The following PDE4D variants were observed in gnomAD, a reference collection of about 807,000 sequenced individuals.
PDE4D encodes the protein phosphodiesterase 4D.
PDE4D carries 24 observed loss-of-function variants against 87.4 expected under a neutral mutation model. The observed-to-expected ratio is 0.27, with a 90% CI of 0.20 to 0.39. The LOEUF (loss-of-function observed/expected upper bound fraction) is 0.39. Ranked by LOEUF, PDE4D falls within the 10% of genes least tolerant of loss-of-function variation. PDE4D has a pLI of 1.00. For missense variants in PDE4D, 714 were observed against 1,041.0 expected (o/e 0.69, Z 4.32); for synonymous variants, 384 against 383.2 (o/e 1.00, Z -0.02).
chr5:59,020,292 T>C (rs968601374), intron 6 of PDE4D, among the ~76,000 whole-genome samples: 7 of 151,956 alleles, frequency 4.6e-5, no homozygotes, highest in African/African-American at 7.2e-5. Flanking sequence ...CTGGCCAACA[T>C]GGTGAAACCC....
intron 1 of PDE4D, among the ~76,000 whole-genome samples, chr5:59,229,200 G>A (rs551754567): frequency 1.3e-5 from 2 of 152,190 alleles, no homozygotes; most frequent in South Asian, 2.1e-4. Context: ...GTACAACAGT[G>A]CCTCACACGT....
chr5:59,767,808 T>A (rs951128418), intron 1 of PDE4D, among the ~76,000 whole-genome samples: 2 of 152,180 alleles, frequency 1.3e-5, no homozygotes, highest in Non-Finnish European at 2.9e-5. Context: ...TGTATGTGTC[T>A]CTGTCCAAGT....
intron 5 of PDE4D, among the ~76,000 whole-genome samples, chr5:59,144,244 G>A (rs1165004052): frequency 6.6e-6 from 1 of 152,158 alleles, no homozygotes; most frequent in Non-Finnish European, 1.5e-5. Flanking sequence ...TCTGACCTCT[G>A]ACCAACCATG....
rs926386468 is a variant in PDE4D at position 60,450,515 on chromosome 5, A to G, written c.-90+37427T>C. 8.5e-5 allele frequency among the ~76,000 whole-genome samples: 13 copies of G among 152,300 alleles called. No homozygotes were observed. The East Asian group carries it at 2.5e-3, about 29-fold the overall frequency. ...AGGGCTGAGTGAGCCATTTAAAACC[A>G]TAATTTTAATATGCAGCATTTCTTT... On this transcript the variant is annotated intron_variant, in intron 1 of 16. Transcript: ENST00000502484.
chr5:59,363,660 T>C (rs189194731), intron 1 of PDE4D, among the ~76,000 whole-genome samples: 1 of 152,194 alleles, frequency 6.6e-6, no homozygotes, highest in Non-Finnish European at 1.5e-5. Context: ...CTGAGACTCA[T>C]AGAGGTTAAG....
At chr5:60,019,401 G>A (rs549966478) in intron 2 of PDE4D, among the ~76,000 whole-genome samples, 1 of 152,296 alleles carries the variant, frequency 6.6e-6, no homozygotes, top group South Asian at 2.1e-4. Flanking sequence ...TTGAAGCTAG[G>A]CACTGACTTC....
At chr5:59,569,397 A>T (rs1010524534) in intron 1 of PDE4D, among the ~76,000 whole-genome samples, 1 of 152,244 alleles carries the variant, frequency 6.6e-6, no homozygotes, top group Non-Finnish European at 1.5e-5. Context: ...GGGATTAAGA[A>T]TACCTTTGTC....
At chr5:60,430,265 T>C (rs1043202354) in intron 1 of PDE4D, 2 of 501,872 alleles carry the variant, frequency 4.0e-6, no homozygotes, top group Non-Finnish European at 8.0e-6. Flanking sequence ...CACCCTTCTT[T>C]GCAGGAGCCA....
At chr5:59,789,676 T>G (rs1020411628) in intron 1 of PDE4D, among the ~76,000 whole-genome samples, 2 of 152,336 alleles carry the variant, frequency 1.3e-5, no homozygotes, top group Admixed American at 1.3e-4. Flanking sequence ...TAATCTAAGA[T>G]AAAATAGAAA....
intron 1 of PDE4D, among the ~76,000 whole-genome samples, chr5:59,249,388 A>G (rs1030605097): frequency 6.6e-6 from 1 of 152,122 alleles, no homozygotes; most frequent in African/African-American, 2.4e-5. Flanking sequence ...TAACCTTTAG[A>G]GAAGTATTTT....
At chr5:60,316,415 A>G (rs150993124) in intron 1 of PDE4D, among the ~76,000 whole-genome samples, 2,764 of 152,312 alleles carry the variant, frequency 0.018, 96 homozygotes, top group African/African-American at 0.063. Flanking sequence ...TAGATATACA[A>G]TCATGTCATC....
chr5:60,314,631 C>T lies in PDE4D; in HGVS notation c.-89-128944G>A, dbSNP rs185652211. On this transcript the variant is annotated intron_variant, in intron 1 of 16. Coordinates refer to the PDE4D transcript ENST00000502484. ...AGGTATATCTCCTAATGCTATCCCT[C>T]CCCCACACCCCCACCCCACAACAGG... 9.1e-3 allele frequency among the ~76,000 whole-genome samples: 1,384 copies of T among 151,766 alleles called. 8 individuals are homozygous for T. The highest frequency in any genetic ancestry group is 0.024 in the Middle Eastern group (7 of 294).
chr5:59,711,147 G>A (rs1443987360), intron 1 of PDE4D, among the ~76,000 whole-genome samples: 1 of 152,054 alleles, frequency 6.6e-6, no homozygotes, highest in Non-Finnish European at 1.5e-5. Context: ...ATCTCACATT[G>A]TTTCTTATTC....
At chr5:60,235,886 G>C (rs1339891704) in intron 1 of PDE4D, among the ~76,000 whole-genome samples, 2 of 151,770 alleles carry the variant, frequency 1.3e-5, no homozygotes, top group African/African-American at 2.4e-5. Flanking sequence ...GACTTTAATA[G>C]TTTATTGTAT....
intron 1 of PDE4D, among the ~76,000 whole-genome samples, chr5:59,380,278 C>G (rs994359540): frequency 2.0e-4 from 29 of 147,998 alleles, no homozygotes; most frequent in African/African-American, 7.0e-4. Flanking sequence ...GGACTCACCA[C>G]ATGAAAATTA....
At chr5:60,023,280 C>T (rs879875789) in intron 2 of PDE4D, among the ~76,000 whole-genome samples, 2 of 152,176 alleles carry the variant, frequency 1.3e-5, no homozygotes, top group Non-Finnish European at 2.9e-5. Flanking sequence ...AATTCTTTCT[C>T]TACCTCAACT....
chr5:59,370,153 G>A (rs182202673), intron 1 of PDE4D, among the ~76,000 whole-genome samples: 4 of 152,228 alleles, frequency 2.6e-5, no homozygotes, highest in East Asian at 1.9e-4. Context: ...TTGCAGTGGC[G>A]TCATAACCAT....
intron 1 of PDE4D, among the ~76,000 whole-genome samples, chr5:60,277,304 T>C (rs964855826): frequency 1.3e-5 from 2 of 152,036 alleles, no homozygotes; most frequent in African/African-American, 4.8e-5. Context: ...TTTAAAAATA[T>C]ATCCATATCA....
chr5:59,945,271 G>C (rs906594393), intron 3 of PDE4D, among the ~76,000 whole-genome samples: 3 of 152,202 alleles, frequency 2.0e-5, no homozygotes, highest in African/African-American at 7.2e-5. Context: ...TATCAGAAGA[G>C]AGTATCATTT....
Sources: gnomAD v4.1 joint callset for allele counts (sites outside exome capture counted in the v4.1 genomes callset) on GRCh38, gnomAD v4.1.1 for gene constraint, MANE v1.5 for transcripts, NCBI Gene and HGNC (gene_info 2026-07-23, HGNC 2026-07-21) for gene names.